Variants in ITFG1 observed in about 807,000 individuals in gnomAD.
ITFG1 encodes integrin alpha FG-GAP repeat containing 1, also known as T-cell immunomodulatory protein.
ITFG1 carries 34 observed loss-of-function variants against 81.8 expected under a neutral mutation model. The observed-to-expected ratio is 0.42, with a 90% CI of 0.32 to 0.55. ITFG1 has a LOEUF of 0.55. ITFG1 is among the 20% of genes least tolerant of loss of function. ITFG1 has a pLI of 0.17. For missense variants in ITFG1, 672 were observed against 755.4 expected, an observed-to-expected ratio of 0.89 and a Z score of 1.29; for synonymous variants, 285 against 270.6, an observed-to-expected ratio of 1.05 and a Z score of -0.52.
intron 8 of ITFG1, among the ~76,000 whole-genome samples, chr16:47,319,089 T>C (rs1967409154): frequency 1.3e-5 from 2 of 152,224 alleles, no homozygotes; most frequent in South Asian, 2.1e-4. Flanking sequence ...TATGCATTCA[T>C]GTAAAATGCA....
In ITFG1 at chr16:47,275,003, G is replaced by T. The variant is rs776676466; in HGVS notation, c.1071-14308C>A. Among the ~76,000 whole-genome samples the T allele has an allele frequency of 1.0e-3, 157 of 152,298 alleles. 1 individual carries two copies. Among genetic ancestry groups the T allele is most frequent in the Middle Eastern group, 0.01 (3 of 294 alleles). ...TGTTCACTATGGGAAGAAGGGGAGGGAAGGAATTTCTAAGACTTATGAACA... is the reference window on the plus strand; with the variant it reads ...TGTTCACTATGGGAAGAAGGGGAGGTAAGGAATTTCTAAGACTTATGAACA... On this transcript the variant is annotated intron_variant, in intron 10 of 17. Transcript: ENST00000320640.
chr16:47,217,919 C>G (rs772223702), intron 14 of ITFG1: 3 of 152,116 alleles, frequency 2.0e-5, no homozygotes, highest in Admixed American at 2.0e-4. Context: ...AGTGAGACTC[C>G]GTCTCAAATA....
At chr16:47,276,351 T>C (rs1027609162) in intron 10 of ITFG1, among the ~76,000 whole-genome samples, 6 of 152,126 alleles carry the variant, frequency 3.9e-5, no homozygotes, top group Non-Finnish European at 7.4e-5. Flanking sequence ...CGGAGTTTTA[T>C]GAAGATAATG....
At chr16:47,291,095 T>C (rs565003873) in intron 10 of ITFG1, among the ~76,000 whole-genome samples, 1 of 152,334 alleles carries the variant, frequency 6.6e-6, no homozygotes, top group East Asian at 1.9e-4. Context: ...TCAGATTTTT[T>C]TCTAGGAAAG....
chr16:47,385,858 A>T (rs1968455058), intron 6 of ITFG1, among the ~76,000 whole-genome samples: 2 of 152,232 alleles, frequency 1.3e-5, no homozygotes, highest in Non-Finnish European at 2.9e-5. Context: ...AAAACAAGGA[A>T]AGGCTGTTAA....
At chr16:47,444,664 T>A (rs1048902114) in intron 5 of ITFG1, among the ~76,000 whole-genome samples, 1 of 152,164 alleles carries the variant, frequency 6.6e-6, no homozygotes, top group Non-Finnish European at 1.5e-5. Flanking sequence ...TTGATATGAT[T>A]TTATAAAATA....
At chr16:47,391,303 AAG>A (rs1236425563) in intron 6 of ITFG1, among the ~76,000 whole-genome samples, 1 of 152,214 alleles carries the variant, frequency 6.6e-6, no homozygotes, top group Non-Finnish European at 1.5e-5. Context: ...CCTACAGTTG[AAG>A]AGAGTCTATA....
Position 47,155,701 on chromosome 16 carries a change from T to G in ITFG1, c.*18A>C. The G allele has an allele frequency of 1.3e-6, 2 of 1,573,928 alleles. No individual in the cohort carries two copies. Among genetic ancestry groups the G allele is most frequent in the East Asian group, 4.5e-5 (2 of 44,194 alleles). On this transcript the variant is annotated 3_prime_UTR_variant, in exon 18 of 18. Transcript: ENST00000320640. ...AATCAAGTGAACAGCCATTCCATTA[T>G]GTAATATTAAAGGCAAGTCACATAG...
intron 10 of ITFG1, among the ~76,000 whole-genome samples, chr16:47,299,217 A>G (rs1346845182): frequency 6.6e-6 from 1 of 152,164 alleles, no homozygotes; most frequent in Admixed American, 6.5e-5. Flanking sequence ...CTGTTTACTT[A>G]TAGGATGAAA....
chr16:47,318,390 G>A (rs994043175), intron 8 of ITFG1, among the ~76,000 whole-genome samples: 2 of 152,072 alleles, frequency 1.3e-5, no homozygotes, highest in African/African-American at 2.4e-5. Context: ...ATTCTCTATT[G>A]ATATGCAAAT....
At chr16:47,176,941 C>T (rs542372606) in intron 14 of ITFG1, among the ~76,000 whole-genome samples, 32 of 150,956 alleles carry the variant, frequency 2.1e-4, no homozygotes, top group Admixed American at 1.8e-3. Context: ...GTTTCTCATA[C>T]ATCTTCTTCT....
intron 8 of ITFG1, among the ~76,000 whole-genome samples, chr16:47,359,827 C>A (rs186198102): frequency 6.6e-6 from 1 of 152,340 alleles, no homozygotes; most frequent in East Asian, 1.9e-4. Context: ...CTTAAAATAG[C>A]CCTTCTCATT....
intron 14 of ITFG1, among the ~76,000 whole-genome samples, chr16:47,188,337 A>T (rs557178773): frequency 2.6e-5 from 4 of 152,200 alleles, no homozygotes; most frequent in Non-Finnish European, 5.9e-5. Flanking sequence ...GGCATTATTC[A>T]CTATAGCAAA....
chr16:47,350,700 C>G (rs1287474607), intron 8 of ITFG1, among the ~76,000 whole-genome samples: 7 of 152,164 alleles, frequency 4.6e-5, no homozygotes, highest in African/African-American at 1.7e-4. Flanking sequence ...GGGAATCCTC[C>G]CTAACTCATT....
chr16:47,160,383 TTTG>T (rs1287281503), intron 16 of ITFG1, among the ~76,000 whole-genome samples: 1 of 152,054 alleles, frequency 6.6e-6, no homozygotes, highest in Non-Finnish European at 1.5e-5. Flanking sequence ...GCTTCTTTTG[TTTG>T]TTGTTGTTGT....
intron 12 of ITFG1, among the ~76,000 whole-genome samples, chr16:47,240,295 CAAAA>C (rs565661862): frequency 5.7e-5 from 3 of 52,438 alleles, no homozygotes; most frequent in Admixed American, 2.1e-4. Context: ...GATCCTGTCT[CAAAA>C]AAAAAAAAAA....
intron 8 of ITFG1, among the ~76,000 whole-genome samples, chr16:47,331,372 G>A (rs558506022): frequency 1.3e-5 from 2 of 152,158 alleles, no homozygotes; most frequent in Non-Finnish European, 2.9e-5. Flanking sequence ...TTCCTATGGG[G>A]TACTGTGTTC....
At chr16:47,268,819 T>C (rs771466436) in intron 10 of ITFG1, among the ~76,000 whole-genome samples, 5 of 152,230 alleles carry the variant, frequency 3.3e-5, no homozygotes, top group Non-Finnish European at 7.3e-5. Flanking sequence ...CATGACCAAG[T>C]TGAATTTATT....
At chr16:47,455,656 C>A (rs1969442040) in intron 2 of ITFG1, among the ~76,000 whole-genome samples, 1 of 150,914 alleles carries the variant, frequency 6.6e-6, no homozygotes, top group Non-Finnish European at 1.5e-5. Flanking sequence ...CTAATCCCAG[C>A]TACTTGGGAG....
Sources: gnomAD v4.1 joint callset for allele counts (sites outside exome capture counted in the v4.1 genomes callset) on GRCh38, gnomAD v4.1.1 for gene constraint, MANE v1.5 for transcripts, NCBI Gene and HGNC (gene_info 2026-07-23, HGNC 2026-07-21) for gene names.